Variants in ZNF267 observed in about 807,000 individuals in gnomAD.
ZNF267 encodes zinc finger (C2H2).
ZNF267 carries 61 observed loss-of-function variants against 71.6 expected under a neutral mutation model. The ratio of observed to expected loss-of-function variants is 0.85; its 90% CI spans 0.69 to 1.05. The LOEUF (loss-of-function observed/expected upper bound fraction) is 1.05, where lower values mean the gene tolerates loss of function less well. Among genes scored for constraint, ZNF267 ranks in the 50% least tolerant of loss-of-function variants. The pLI is 0.00. For missense variants in ZNF267, 852 were observed against 870.0 expected (o/e 0.98, Z 0.26); for synonymous variants, 288 against 293.2 (o/e 0.98, Z 0.18).
rs147791139 is a variant in ZNF267 at position 31,887,339 on chromosome 16, C to T, written c.226+2083C>T. On this transcript the variant is annotated intron_variant, in intron 3 of 3. Coordinates refer to ENST00000300870, the MANE Select transcript of ZNF267 (RefSeq NM_003414.6). ...TATCAGATCTATTTTCTCCCAGTCCCTGGGTCGCTTTTTCATGTTCTGTGT... is the reference window on the plus strand; with the variant it reads ...TATCAGATCTATTTTCTCCCAGTCCTTGGGTCGCTTTTTCATGTTCTGTGT... 5.9e-3 allele frequency among the ~76,000 whole-genome samples: 896 copies of T among 151,798 alleles called. 8 individuals are homozygous for T. Among genetic ancestry groups the T allele is most frequent in the African/African-American group, 0.02 (839 of 41,408 alleles).
chr16:31,896,591 G>C (rs571171191), intron 3 of ZNF267, among the ~76,000 whole-genome samples: 1 of 152,286 alleles, frequency 6.6e-6, no homozygotes, highest in Admixed American at 6.5e-5. Flanking sequence ...GTTTGCTTTA[G>C]ATGCATGAAT....
intron 3 of ZNF267, among the ~76,000 whole-genome samples, chr16:31,900,708 T>G (rs2084033090): frequency 6.6e-6 from 1 of 151,588 alleles, no homozygotes; most frequent in South Asian, 2.1e-4. Context: ...CCTCCCAAAG[T>G]GCTGGGATTA....
chr16:31,898,633 T>C (rs954543467), intron 3 of ZNF267, among the ~76,000 whole-genome samples: 3 of 152,098 alleles, frequency 2.0e-5, no homozygotes, highest in African/African-American at 7.2e-5. Context: ...ACCATAGATA[T>C]TACACAAAAC....
intron 1 of ZNF267, among the ~76,000 whole-genome samples, chr16:31,883,283 TAAAGGCATCACAAA>T (rs1217551671): frequency 6.6e-6 from 1 of 152,138 alleles, no homozygotes; most frequent in Non-Finnish European, 1.5e-5. Context: ...TTGGTCTTTA[TAAAGGCATCACAAA>T]AAAGGCATCA....
In ZNF267 at chr16:31,915,168, T is replaced by C. The variant is rs781421319; in HGVS notation, c.919T>C (p.Ser307Pro). The change falls in exon 4 of 4, where the codon TCA becomes CCA. Residue 307 changes from serine (S) to proline (P), a missense_variant. Transcript: ENST00000300870. ...CAAATATGATAAAGATCTTAGTCAG[T>C]CATCAAATCTTAGAAAGCAGATAAT... ...YNKYDKDLSQ[S>P]SNLRKQIIHN... 15 of 1,612,688 alleles carry C rather than the reference T, an allele frequency of 9.3e-6. No individual in the cohort carries two copies. The highest frequency in any genetic ancestry group is 1.2e-5 in the Non-Finnish European group (14 of 1,179,594).
In ZNF267 at chr16:31,873,952, C is replaced by T. The variant is rs1372882634; in HGVS notation, c.-15C>T. The T allele has an allele frequency of 6.2e-7, 1 of 1,613,422 alleles. No homozygotes were observed. The highest frequency in any genetic ancestry group is 8.5e-7 in the Non-Finnish European group (1 of 1,179,652). On this transcript the variant is annotated 5_prime_UTR_variant, in exon 1 of 4. Transcript: ENST00000300870. ...ATTCGTAGCTAAGACGCCAGGGCAT[C>T]CCGGAAGCTGGGAAATGGTGAGTGT...
intron 3 of ZNF267, among the ~76,000 whole-genome samples, chr16:31,898,726 T>C (rs79957832): frequency 0.033 from 5,008 of 152,260 alleles, 125 homozygotes; most frequent in South Asian, 0.067. Flanking sequence ...CCCCTTATTG[T>C]ATTTTATTGA....
chr16:31,897,773 C>T (rs2084011047), intron 3 of ZNF267, among the ~76,000 whole-genome samples: 1 of 152,016 alleles, frequency 6.6e-6, no homozygotes, highest in Admixed American at 6.6e-5. Context: ...TATTTGTAGA[C>T]CTGCCAGTTT....
chr16:31,905,259 A>G (rs562619537), intron 3 of ZNF267, among the ~76,000 whole-genome samples: 277 of 152,038 alleles, frequency 1.8e-3, no homozygotes, highest in Non-Finnish European at 3.4e-3. Context: ...TGACAATTAT[A>G]TGTCTTGGAG....
chr16:31,905,802 C>T (rs963533567), intron 3 of ZNF267, among the ~76,000 whole-genome samples: 1 of 152,214 alleles, frequency 6.6e-6, no homozygotes, highest in South Asian at 2.1e-4. Flanking sequence ...AGTCATTCTC[C>T]GTCCAGCTTT....
At chr16:31,905,837 G>A (rs549665114) in intron 3 of ZNF267, among the ~76,000 whole-genome samples, 10 of 152,284 alleles carry the variant, frequency 6.6e-5, no homozygotes, top group South Asian at 2.1e-4. Flanking sequence ...GAGGAGCTGC[G>A]TTCCTTTGGA....
At chr16:31,906,510 G>T (rs899175734) in intron 3 of ZNF267, among the ~76,000 whole-genome samples, 17 of 152,158 alleles carry the variant, frequency 1.1e-4, no homozygotes, top group African/African-American at 4.1e-4. Flanking sequence ...CTGCCACCTT[G>T]CAGTTTGATC....
At chr16:31,900,522 G>C (rs2084031396) in intron 3 of ZNF267, among the ~76,000 whole-genome samples, 1 of 152,030 alleles carries the variant, frequency 6.6e-6, no homozygotes, top group Non-Finnish European at 1.5e-5. Flanking sequence ...TTGGCTCACT[G>C]CAGGCTCCGC....
chr16:31,914,504 G>A lies in ZNF267; in HGVS notation c.255G>A (p.Leu85=). Residue 85 remains leucine (L), a synonymous_variant, in exon 4 of 4, where the codon CTG becomes CTA. Coordinates refer to ENST00000300870, the MANE Select transcript of ZNF267 (RefSeq NM_003414.6). ...TGTTTTCGCATTATAACAAGGACCT[G>A]TTGACAGAGCACTGCACAGAAGCTT... ...PDVFSHYNKD[L]LTEHCTEASF... is the part of the protein sequence containing the mutation. 1.9e-6 allele frequency: 3 copies of A among 1,605,034 alleles called. No homozygotes were observed. Among genetic ancestry groups the A allele is most frequent in the Non-Finnish European group, 8.5e-7 (1 of 1,176,756 alleles).
intron 1 of ZNF267, among the ~76,000 whole-genome samples, chr16:31,878,266 G>A (rs1268622617): frequency 1.3e-5 from 2 of 152,108 alleles, no homozygotes; most frequent in East Asian, 3.9e-4. Context: ...GCCCCACTGT[G>A]CATTGTCCTT....
intron 1 of ZNF267, chr16:31,875,105 G>T: frequency 7.8e-7 from 1 of 1,288,174 alleles, no homozygotes; most frequent in Non-Finnish European, 1.0e-6. Context: ...ACACGTTATC[G>T]GAAAGAATGT....
chr16:31,909,610 T>C (rs762355422), intron 3 of ZNF267, among the ~76,000 whole-genome samples: 4 of 152,256 alleles, frequency 2.6e-5, no homozygotes, highest in African/African-American at 4.8e-5. Flanking sequence ...TTGATGTTTG[T>C]ATGTTCATTT....
chr16:31,889,219 T>A (rs2083944105), intron 3 of ZNF267, among the ~76,000 whole-genome samples: 1 of 151,894 alleles, frequency 6.6e-6, no homozygotes, highest in Non-Finnish European at 1.5e-5. Flanking sequence ...TGTTTTTTTT[T>A]AATGACTCAG....
chr16:31,900,744 C>A (rs2084033418), intron 3 of ZNF267, among the ~76,000 whole-genome samples: 1 of 147,146 alleles, frequency 6.8e-6, no homozygotes, highest in African/African-American at 2.5e-5. Context: ...GTGCCCGGCC[C>A]CAAGAATTCT....
Sources: allele counts gnomAD v4.1 joint callset (sites outside exome capture counted in the v4.1 genomes callset), GRCh38; gene constraint gnomAD v4.1.1; transcripts MANE v1.5; gene names NCBI Gene and HGNC (gene_info 2026-07-23, HGNC 2026-07-21).